PIK3CB: variants seen among roughly 807,000 people sequenced by gnomAD.
The protein encoded by PIK3CB is phosphatidylinositol 4,5-bisphosphate 3-kinase catalytic subunit beta isoform.
Under a neutral mutation model 136.8 loss-of-function variants are expected in PIK3CB, and 39 were observed. The observed-to-expected ratio is 0.29, with a 90% CI of 0.22 to 0.37. The LOEUF is 0.37. Among genes scored for constraint, PIK3CB ranks in the 10% least tolerant of loss-of-function variants. PIK3CB has a pLI of 1.00. For missense variants in PIK3CB, 868 were observed against 1,275.4 expected (o/e 0.68, Z 4.87); for synonymous variants, 428 against 436.6 (o/e 0.98, Z 0.25).
chr3:138,700,632 G>C (rs2044229635), intron 12 of PIK3CB, among the ~76,000 whole-genome samples: 1 of 152,014 alleles, frequency 6.6e-6, no homozygotes, highest in African/African-American at 2.4e-5. Flanking sequence ...AGGCTGCAGT[G>C]AGCTATGACT....
intron 1 of PIK3CB, among the ~76,000 whole-genome samples, chr3:138,807,684 G>A (rs1489541899): frequency 6.6e-6 from 1 of 152,116 alleles, no homozygotes. Flanking sequence ...CTTGAGTCCA[G>A]TAGTTCAAGA....
chr3:138,823,209 C>A (rs1933637431), intron 1 of PIK3CB, among the ~76,000 whole-genome samples: 1 of 151,538 alleles, frequency 6.6e-6, no homozygotes, highest in African/African-American at 2.4e-5. Flanking sequence ...ATCGCTTGAG[C>A]CCAGGAGTTA....
At chr3:138,756,563 C>G (rs2045572356) in intron 3 of PIK3CB, among the ~76,000 whole-genome samples, 1 of 152,166 alleles carries the variant, frequency 6.6e-6, no homozygotes, top group South Asian at 2.1e-4. Context: ...AATCTCTCAA[C>G]ATCTCTTTCC....
chr3:138,693,966 TTATATATA>T (rs1290359773), intron 14 of PIK3CB, among the ~76,000 whole-genome samples: 2 of 42,406 alleles, frequency 4.7e-5, no homozygotes, highest in Non-Finnish European at 7.2e-5. Flanking sequence ...TATATATATA[TTATATATA>T]TATATATATA....
intron 16 of PIK3CB, among the ~76,000 whole-genome samples, chr3:138,686,012 C>T (rs1302755587): frequency 6.6e-6 from 1 of 151,910 alleles, no homozygotes; most frequent in Non-Finnish European, 1.5e-5. Flanking sequence ...TGGTGTGCAC[C>T]TGTAATCCCA....
At chr3:138,714,390 A>C (rs1425843303) in intron 9 of PIK3CB, 78 bp downstream of exon 9, 10 of 951,302 alleles carry the variant, frequency 1.1e-5, no homozygotes, top group African/African-American at 1.7e-5. Context: ...AATTTAACTT[A>C]TATTACTCAA....
At chr3:138,800,065 GGCTCTTGTACAT>G (rs2108838333) in intron 1 of PIK3CB, among the ~76,000 whole-genome samples, 1 of 152,016 alleles carries the variant, frequency 6.6e-6, no homozygotes, top group East Asian at 1.9e-4. Context: ...TCCTATTTAG[GGCTCTTGTACAT>G]GCTGTTCTTT....
intron 10 of PIK3CB, among the ~76,000 whole-genome samples, chr3:138,710,975 T>C (rs987178277): frequency 6.6e-6 from 1 of 151,268 alleles, no homozygotes; most frequent in Non-Finnish European, 1.5e-5. Context: ...TCCCAGCTAC[T>C]GGGGAGGCTG....
intron 1 of PIK3CB, chr3:138,826,138 C>T (rs1933773601): frequency 1.0e-6 from 1 of 1,002,336 alleles, no homozygotes; most frequent in Non-Finnish European, 1.5e-6. Flanking sequence ...TCTGGTGGTG[C>T]TGCCATAGTT....
chr3:138,724,441 AGGGTTTTT>A (rs1375181248), intron 8 of PIK3CB, among the ~76,000 whole-genome samples: 1 of 152,154 alleles, frequency 6.6e-6, no homozygotes, highest in Non-Finnish European at 1.5e-5. Context: ...CCCATTATTT[AGGGTTTTT>A]ATGGAGGAGG....
rs185763834 is a variant in PIK3CB at position 138,812,748 on chromosome 3, C to T, written c.-121-16181G>A. Among the ~76,000 whole-genome samples the T allele has an allele frequency of 2.9e-3, 441 of 152,164 alleles. 4 individuals are homozygous for T. The highest frequency in any genetic ancestry group is 0.01 in the African/African-American group (420 of 41,512). ...TTCACCATGTTGGCCGGGCTGGTCT[C>T]GAACTCCTTACATCAGGTGATCCAC... On this transcript the variant is annotated intron_variant, in intron 1 of 23. Transcript: ENST00000674063.
chr3:138,656,709 G>C (rs2043197704), intron 22 of PIK3CB, among the ~76,000 whole-genome samples: 1 of 151,940 alleles, frequency 6.6e-6, no homozygotes, highest in African/African-American at 2.4e-5. Flanking sequence ...CAGTGCTTTT[G>C]CTCCTTCCTG....
Position 138,683,799 on chromosome 3 carries a change from T to C in PIK3CB, c.2316-12A>G, listed in dbSNP as rs1489351256. On this transcript the variant is annotated splice_polypyrimidine_tract_variant and intron_variant, in intron 17 of 23. Transcript: ENST00000674063. ...TGCACTTTTCAACACTGAAATCAAG[T>C]GGGGAAAATTAGTCAACTTCAGTGT... 2 of 1,351,864 alleles carry C rather than the reference T, an allele frequency of 1.5e-6. No homozygotes were observed. Among genetic ancestry groups the C allele is most frequent in the Non-Finnish European group, 2.1e-6 (2 of 942,154 alleles). The allele number at this position is 1,351,864 out of a possible 1,614,324, so 83.7% of individuals were successfully genotyped here.
At position 138,695,614 on chromosome 3, in the gene PIK3CB, A is replaced by C. The variant is rs74780035; in HGVS notation, c.1771-707T>G. On this transcript the variant is annotated intron_variant, in intron 13 of 23. Transcript: ENST00000674063. The stretch of plus-strand genomic sequence containing the variant: ...TTCTCATATCAAGCAAAAGTAAATA[A>C]AAGTTAACTAATTTTTTAAAAATTA... Among the ~76,000 whole-genome samples, 187 of 152,320 alleles carry C rather than the reference A, an allele frequency of 1.2e-3. 5 individuals carry two copies. The East Asian group carries it at 0.032, about 26-fold the overall frequency.
intron 20 of PIK3CB, 41 bp from the exon 21 acceptor site, chr3:138,664,070 C>T (rs1343122321): frequency 6.2e-7 from 1 of 1,606,516 alleles, no homozygotes; most frequent in Non-Finnish European, 8.5e-7. Flanking sequence ...AGGTTTTCAG[C>T]CTCCAAGCGT....
intron 21 of PIK3CB, among the ~76,000 whole-genome samples, chr3:138,659,622 T>C (rs1310325906): frequency 1.3e-5 from 2 of 152,156 alleles, no homozygotes; most frequent in East Asian, 1.9e-4. Flanking sequence ...AATGTAGCTA[T>C]TGAGGAGCCA....
intron 13 of PIK3CB, among the ~76,000 whole-genome samples, chr3:138,695,703 A>T (rs547019866): frequency 6.6e-6 from 1 of 152,146 alleles, no homozygotes; most frequent in African/African-American, 2.4e-5. Context: ...CTTTTGAATG[A>T]TTTTTTAAAA....
intron 8 of PIK3CB, among the ~76,000 whole-genome samples, chr3:138,725,998 ATAGT>A (rs1299915294): frequency 2.0e-5 from 3 of 152,164 alleles, no homozygotes; most frequent in African/African-American, 4.8e-5. Flanking sequence ...TTGGGGGACC[ATAGT>A]TAGTTAGGTT....
intron 2 of PIK3CB, among the ~76,000 whole-genome samples, chr3:138,772,989 T>C (rs530728196): frequency 1.1e-4 from 17 of 151,882 alleles, no homozygotes; most frequent in African/African-American, 3.1e-4. Flanking sequence ...GTTTTTGCCA[T>C]GTTGGTAAGG....
Sources: allele counts gnomAD v4.1 joint callset (sites outside exome capture counted in the v4.1 genomes callset), GRCh38; gene constraint gnomAD v4.1.1; transcripts MANE v1.5; gene names NCBI Gene and HGNC (gene_info 2026-07-23, HGNC 2026-07-21).